CFAP144: variants seen among roughly 807,000 people sequenced by gnomAD.
CFAP144 encodes cilia and flagella associated protein 144.
chr1:43,155,755 C>T, the CFAP144 span, among the ~76,000 whole-genome samples: 1 of 152,240 alleles, frequency 6.6e-6, no homozygotes, highest in Non-Finnish European at 1.5e-5. Context: ...GGGACACTGG[C>T]AAAGCCAGAC....
the CFAP144 span, among the ~76,000 whole-genome samples, chr1:43,144,274 T>C: frequency 6.6e-6 from 1 of 152,162 alleles, no homozygotes; most frequent in Non-Finnish European, 1.5e-5. Flanking sequence ...ACTGGTGCCA[T>C]TTCCCTGATT....
At chr1:43,150,705 G>T in the CFAP144 span, 1 of 1,480,566 alleles carries the variant, frequency 6.8e-7, no homozygotes, top group Non-Finnish European at 9.3e-7. Flanking sequence ...ACCTTAGAGA[G>T]GGCAGGGAAC....
At chr1:43,151,621 A>G in the CFAP144 span, among the ~76,000 whole-genome samples, 1 of 152,202 alleles carries the variant, frequency 6.6e-6, no homozygotes, top group Non-Finnish European at 1.5e-5. Flanking sequence ...TGGCCACAAC[A>G]TACAGGTGGA....
chr1:43,147,758 C>T, the CFAP144 span: 8 of 1,440,412 alleles, frequency 5.6e-6, no homozygotes, highest in African/African-American at 1.0e-4. Flanking sequence ...AATAAGATCC[C>T]GACCGGCGGG....
At chr1:43,153,136 T>C in the CFAP144 span, among the ~76,000 whole-genome samples, 2 of 152,182 alleles carry the variant, frequency 1.3e-5, no homozygotes, top group Non-Finnish European at 2.9e-5. Flanking sequence ...AAGCTTGTTA[T>C]GAGGATGAAA....
chr1:43,153,335 C>T, the CFAP144 span, among the ~76,000 whole-genome samples: 2 of 152,132 alleles, frequency 1.3e-5, no homozygotes, highest in South Asian at 2.1e-4. Context: ...TGTGGCTGAG[C>T]GTAGTGGCTC....
At chr1:43,151,613 G>A in the CFAP144 span, among the ~76,000 whole-genome samples, 3 of 152,164 alleles carry the variant, frequency 2.0e-5, no homozygotes, top group East Asian at 3.8e-4. Context: ...GTTTGGCATG[G>A]CCACAACATA....
At chr1:43,145,130 G>C in the CFAP144 span, 27 of 734,204 alleles carry the variant, frequency 3.7e-5, no homozygotes, top group Non-Finnish European at 5.7e-5. Flanking sequence ...TTGACAGTTT[G>C]CTCCTTTCCT....
At chr1:43,148,136 A>T in the CFAP144 span, 1 of 1,568,380 alleles carries the variant, frequency 6.4e-7, no homozygotes, top group Non-Finnish European at 8.7e-7. Context: ...GGCGCCGGGG[A>T]AGGAGGAGCC....
At chr1:43,156,145 C>A in the CFAP144 span, 2 of 1,485,084 alleles carry the variant, frequency 1.3e-6, no homozygotes, top group African/African-American at 2.8e-5. Flanking sequence ...CCATTGACTC[C>A]AAACCCAGGT....
the CFAP144 span, among the ~76,000 whole-genome samples, chr1:43,154,385 TAC>T: frequency 3.1e-3 from 266 of 85,328 alleles, no homozygotes; most frequent in African/African-American, 0.044. Flanking sequence ...TATGTACATA[TAC>T]ACACACATAT....
At chr1:43,147,140 C>A in the CFAP144 span, among the ~76,000 whole-genome samples, 1 of 152,184 alleles carries the variant, frequency 6.6e-6, no homozygotes, top group Non-Finnish European at 1.5e-5. Context: ...CCACCGTGCT[C>A]GGCGATTCTT....
chr1:43,146,864 TAGA>T, the CFAP144 span, among the ~76,000 whole-genome samples: 30 of 152,276 alleles, frequency 2.0e-4, no homozygotes, highest in South Asian at 5.8e-3. Flanking sequence ...TTTTATTTTT[TAGA>T]AGGAGTCTCG....
At chr1:43,154,463 C>T in the CFAP144 span, among the ~76,000 whole-genome samples, 2 of 149,862 alleles carry the variant, frequency 1.3e-5, no homozygotes, top group Non-Finnish European at 3.0e-5. Context: ...CCTACAAGGA[C>T]GGACTTGGTA....
At chr1:43,156,392 A>G in the CFAP144 span, 4 of 1,138,060 alleles carry the variant, frequency 3.5e-6, no homozygotes, top group South Asian at 5.0e-5. Context: ...CTACTTTAAA[A>G]CGAAGTTTCA....
the CFAP144 span, among the ~76,000 whole-genome samples, chr1:43,149,356 T>TC: frequency 6.6e-6 from 1 of 152,064 alleles, no homozygotes; most frequent in Non-Finnish European, 1.5e-5. Flanking sequence ...CACACTCCTT[T>TC]CCCCCCTGCC....
At chr1:43,154,308 TATAA>T in the CFAP144 span, among the ~76,000 whole-genome samples, 5 of 146,184 alleles carry the variant, frequency 3.4e-5, no homozygotes, top group Non-Finnish European at 7.5e-5. Context: ...TAAAATTATA[TATAA>T]ATAAAAATTA....
the CFAP144 span, chr1:43,145,322 A>G: frequency 6.5e-7 from 1 of 1,536,078 alleles, no homozygotes; most frequent in South Asian, 1.2e-5. Flanking sequence ...TCTGCCCTGC[A>G]TTCAAGTGAG....
At chr1:43,148,113 G>A in the CFAP144 span, 1 of 1,607,044 alleles carries the variant, frequency 6.2e-7, no homozygotes, top group Admixed American at 1.7e-5. Flanking sequence ...TGGGGGAAGG[G>A]CGAGAGCGGG....
Sources: gnomAD v4.1 joint callset for allele counts (sites outside exome capture counted in the v4.1 genomes callset) on GRCh38, gnomAD v4.1.1 for gene constraint, MANE v1.5 for transcripts, NCBI Gene and HGNC (gene_info 2026-07-23, HGNC 2026-07-21) for gene names.